Variants in MON2 observed in about 807,000 individuals in gnomAD.
MON2 encodes MON2 regulator of endosome-to-Golgi trafficking, also known as protein MON2 homolog.
In MON2, 84 loss-of-function variants were observed where a neutral mutation model predicts 208.6. That is an observed-to-expected ratio of 0.40 (90% CI 0.34 to 0.48). The LOEUF (loss-of-function observed/expected upper bound fraction) is 0.48. Among genes scored for constraint, MON2 ranks in the 20% least tolerant of loss-of-function variants. The pLI, the probability that MON2 is intolerant of heterozygous loss-of-function variation, is 0.59. For missense variants in MON2, 1,611 were observed against 2,015.4 expected (o/e 0.80, Z 3.84); for synonymous variants, 660 against 694.0 (o/e 0.95, Z 0.77).
At chr12:62,543,051 C>G (rs1321535003) in intron 19 of MON2, 46 bp from the exon 20 acceptor site, 1 of 1,046,290 alleles carries the variant, frequency 9.6e-7, no homozygotes, top group African/African-American at 1.7e-5. Flanking sequence ...TCTAATTACT[C>G]AGAATTCTCC....
intron 29 of MON2, 109 bp downstream of exon 29, chr12:62,566,559 G>C (rs145200386): frequency 9.2e-7 from 1 of 1,087,244 alleles, no homozygotes; most frequent in African/African-American, 1.6e-5. Flanking sequence ...AATACAATTT[G>C]TAGTATTATT....
chr12:62,513,604 T>C (rs1336367946), intron 8 of MON2, among the ~76,000 whole-genome samples: 3 of 152,138 alleles, frequency 2.0e-5, no homozygotes, highest in Admixed American at 1.3e-4. Flanking sequence ...TAAAACTGAA[T>C]GTCTTTAAGA....
chr12:62,542,046 T>C (rs1462699304), intron 19 of MON2, among the ~76,000 whole-genome samples: 1 of 152,064 alleles, frequency 6.6e-6, no homozygotes, highest in Non-Finnish European at 1.5e-5. Context: ...AGTAGTAGAG[T>C]TGAGATGAGA....
At chr12:62,546,054 C>CAA (rs957220605) in intron 21 of MON2, among the ~76,000 whole-genome samples, 14 of 152,148 alleles carry the variant, frequency 9.2e-5, no homozygotes, top group African/African-American at 2.4e-4. Context: ...AAGGGATAGA[C>CAA]AGAGTGCTTT....
At chr12:62,484,265 A>G (rs2132647) in intron 2 of MON2, 32 bp downstream of exon 2, 1 of 1,421,686 alleles carries the variant, frequency 7.0e-7, no homozygotes, top group Non-Finnish European at 9.7e-7. Flanking sequence ...TTAATAATAA[A>G]CAAAAATTTG....
At chr12:62,519,098 T>G (rs989348134) in intron 8 of MON2, among the ~76,000 whole-genome samples, 6 of 152,202 alleles carry the variant, frequency 3.9e-5, no homozygotes, top group Admixed American at 2.6e-4. Flanking sequence ...TTTTATTACT[T>G]TTTTTGCAAC....
At chr12:62,582,234 C>A (rs1167591960) in intron 32 of MON2, among the ~76,000 whole-genome samples, 5 of 152,150 alleles carry the variant, frequency 3.3e-5, no homozygotes, top group African/African-American at 1.2e-4. Context: ...ACCAAGTATA[C>A]TTTTACTGGC....
At chr12:62,514,494 G>A (rs1219280083) in intron 8 of MON2, among the ~76,000 whole-genome samples, 1 of 152,180 alleles carries the variant, frequency 6.6e-6, no homozygotes, top group South Asian at 2.1e-4. Context: ...ACAAATGGTG[G>A]TAGACACAAG....
At chr12:62,490,499 T>G (rs1379687585) in intron 2 of MON2, among the ~76,000 whole-genome samples, 1 of 152,108 alleles carries the variant, frequency 6.6e-6, no homozygotes, top group Non-Finnish European at 1.5e-5. Context: ...ATTAAAGTTA[T>G]TGTGGAGAGT....
Position 62,484,314 on chromosome 12 carries a change from C to G in MON2, c.175+81C>G. ...GTAGAATCTTTATTGTAAAAGCCAT[C>G]AGTTTTCTGTAACATCTCTTCCTCA... On this transcript the variant is annotated intron_variant, in intron 2 of 34. Transcript: ENST00000393630. The G allele has an allele frequency of 5.6e-6, 5 of 899,206 alleles. No homozygotes were observed. The South Asian group carries it at 8.0e-5, about 14-fold the overall frequency. The allele number at this position is 899,206 out of a possible 1,614,324, so 55.7% of individuals were successfully genotyped here. A position where few individuals can be genotyped will look rare whatever the true frequency, so the allele number is the denominator to read the frequency against.
At chr12:62,581,229 C>CTG (rs2074993530) in intron 32 of MON2, among the ~76,000 whole-genome samples, 1 of 152,086 alleles carries the variant, frequency 6.6e-6, no homozygotes, top group Non-Finnish European at 1.5e-5. Context: ...TTTTGTAAAC[C>CTG]TGAGCTCAAG....
At chr12:62,586,204 A>G (rs1026665013) in intron 33 of MON2, among the ~76,000 whole-genome samples, 5 of 152,246 alleles carry the variant, frequency 3.3e-5, no homozygotes, top group African/African-American at 1.2e-4. Context: ...ATAACATGGG[A>G]AAACAAAGTT....
At chr12:62,532,936 C>T (rs1482082575) in intron 12 of MON2, among the ~76,000 whole-genome samples, 1 of 152,124 alleles carries the variant, frequency 6.6e-6, no homozygotes, top group East Asian at 1.9e-4. Flanking sequence ...TCCTGTGTAT[C>T]ATAGTACAAT....
chr12:62,494,368 A>T (rs1256272837), intron 3 of MON2, among the ~76,000 whole-genome samples: 1 of 152,200 alleles, frequency 6.6e-6, no homozygotes, highest in African/African-American at 2.4e-5. Context: ...TCTCTTTCCT[A>T]GATTATATGG....
intron 19 of MON2, 92 bp downstream of exon 19, chr12:62,538,597 A>G (rs2073088854): frequency 1.2e-6 from 1 of 857,264 alleles, no homozygotes; most frequent in South Asian, 1.6e-5. Context: ...TAGTAGAACT[A>G]ACACTCAGAT....
chr12:62,566,058 T>C (rs139581944), intron 28 of MON2, 27 bp downstream of exon 28: 2 of 1,602,036 alleles, frequency 1.2e-6, no homozygotes, highest in African/African-American at 1.3e-5. Context: ...AAAATTGTCC[T>C]AACCTCTTGG....
In MON2 at chr12:62,466,855, G is replaced by A. The variant is rs2068541466; in HGVS notation, c.-353G>A. On this transcript the variant is annotated 5_prime_UTR_variant, in exon 1 of 35. Transcript: ENST00000393630. ...CGGCTAATGGCGTCGGCGAGTCTTAGGGGCCTGGGGAGCTGGCGCTGAAGC... is the reference window on the plus strand; with the variant it reads ...CGGCTAATGGCGTCGGCGAGTCTTAAGGGCCTGGGGAGCTGGCGCTGAAGC... The A allele has an allele frequency of 2.3e-6, 1 of 428,390 alleles. No individual in the cohort carries two copies. The highest frequency in any genetic ancestry group is 2.0e-5 in the African/African-American group (1 of 48,832). The allele number at this position is 428,390 out of a possible 1,614,324, so 26.5% of individuals were successfully genotyped here. A position where few individuals can be genotyped will look rare whatever the true frequency, so the allele number is the denominator to read the frequency against.
At chr12:62,496,011 A>G (rs1056683022) in intron 4 of MON2, among the ~76,000 whole-genome samples, 2 of 152,154 alleles carry the variant, frequency 1.3e-5, no homozygotes, top group African/African-American at 4.8e-5. Flanking sequence ...CATAGCAGTA[A>G]ATGAATTATA....
chr12:62,477,581 A>ATT (rs541530436), intron 1 of MON2, among the ~76,000 whole-genome samples: 9 of 128,520 alleles, frequency 7.0e-5, no homozygotes, highest in Admixed American at 8.3e-5. Flanking sequence ...CGTTTGCCTA[A>ATT]TTTTTTTTTT....
Sources: allele counts gnomAD v4.1 joint callset (sites outside exome capture counted in the v4.1 genomes callset), GRCh38; gene constraint gnomAD v4.1.1; transcripts MANE v1.5; gene names NCBI Gene and HGNC (gene_info 2026-07-23, HGNC 2026-07-21).